The following RYR2 variants were observed in gnomAD, a reference collection of about 807,000 sequenced individuals.
RYR2 encodes the protein ryanodine receptor 2.
Under a neutral mutation model 601.1 loss-of-function variants are expected in RYR2, and 227 were observed. That is an observed-to-expected ratio of 0.38 (90% CI 0.34 to 0.42). RYR2 has a LOEUF of 0.42. Ranked by LOEUF, RYR2 falls within the 10% of genes least tolerant of loss-of-function variation. The probability of loss-of-function intolerance (pLI) is 1.00; values close to 1 mark genes in which losing one functional copy is unlikely to be tolerated. For synonymous variants in RYR2, 2,223 were observed against 2,175.1 expected, an observed-to-expected ratio of 1.02 and a Z score of -0.61; for missense variants, 4,646 against 6,156.5, an observed-to-expected ratio of 0.75 and a Z score of 8.21.
chr1:237,082,434 AT>A (rs1397872973), intron 1 of RYR2, among the ~76,000 whole-genome samples: 2 of 149,520 alleles, frequency 1.3e-5, no homozygotes, highest in African/African-American at 4.9e-5. Context: ...CTTTGTATTA[AT>A]TTGTTGGTGC....
intron 46 of RYR2, 140 bp downstream of exon 46, chr1:237,639,341 T>C: frequency 1.2e-6 from 1 of 842,696 alleles, no homozygotes; most frequent in South Asian, 2.7e-5. Context: ...ATGTCTTAGA[T>C]TTGGAAGAAT....
chr1:237,680,957 A>C (rs2148938606), intron 62 of RYR2, among the ~76,000 whole-genome samples: 2 of 152,354 alleles, frequency 1.3e-5, no homozygotes, highest in South Asian at 4.1e-4. Flanking sequence ...TTCAGAAGAA[A>C]ACCCCACATA....
intron 12 of RYR2, among the ~76,000 whole-genome samples, chr1:237,440,183 A>G (rs557447377): frequency 3.9e-5 from 6 of 152,302 alleles, no homozygotes; most frequent in African/African-American, 9.6e-5. Flanking sequence ...TTATTAATAC[A>G]TTATGCAAAT....
chr1:237,691,445 TA>T lies in RYR2; in HGVS notation c.9067+3943del, dbSNP rs1382724400. On this transcript the variant is annotated intron_variant, in intron 63 of 104. Transcript: ENST00000366574. The stretch of plus-strand genomic sequence containing the variant: ...TTATTCTAGGTTGGCTGCCACATTG[TA>T]ATTATATCTCCAAACCTCGCCTGTG... Among the ~76,000 whole-genome samples the T allele has an allele frequency of 1.6e-4, 25 of 152,338 alleles. No homozygotes were observed. The East Asian group carries it at 2.5e-3, about 15-fold the overall frequency.
chr1:237,615,607 A>G (rs530917520), intron 37 of RYR2, among the ~76,000 whole-genome samples: 1 of 152,262 alleles, frequency 6.6e-6, no homozygotes, highest in South Asian at 2.1e-4. Context: ...GGATGTTTGC[A>G]TCGCTGACCT....
At chr1:237,761,466 A>G (rs12120206) in intron 84 of RYR2, among the ~76,000 whole-genome samples, 8,755 of 152,168 alleles carry the variant, frequency 0.058, 286 homozygotes, top group Non-Finnish European at 0.079. Context: ...TCTCATTCCT[A>G]TTCCCTCCTC....
rs759663280 is a variant in RYR2, at chr1:237,202,447, G to A, written c.49-68050G>A. ...TTTTCAGTCAGGGTCTCGCTCTGTTGCCTAGGCTGGAGTGCAGTGGCACTA... is the reference window on the plus strand; with the variant it reads ...TTTTCAGTCAGGGTCTCGCTCTGTTACCTAGGCTGGAGTGCAGTGGCACTA... On this transcript the variant is annotated intron_variant, in intron 1 of 104. Coordinates refer to ENST00000366574, the MANE Select transcript of RYR2 (RefSeq NM_001035.3). 5.7e-4 allele frequency among the ~76,000 whole-genome samples: 87 copies of A among 151,770 alleles called. 1 individual carries two copies. The highest frequency in any genetic ancestry group is 1.0e-3 in the Non-Finnish European group (71 of 67,988).
Position 237,808,990 on chromosome 1 carries a change from T to C in RYR2, c.14388T>C (p.Ser4796=), listed in dbSNP as rs2149446615. 13 of 1,613,378 alleles carry C rather than the reference T, an allele frequency of 8.1e-6. No individual in the cohort carries two copies. The highest frequency in any genetic ancestry group is 1.1e-5 in the Non-Finnish European group (13 of 1,179,328). ...FNFFRKFYNK[S]EDGDTPDMKC... ...TTTTCCGAAAATTCTACAATAAAAG[T>C]GAAGATGGTGATACACCAGATATGA... Residue 4796 remains serine (S), a synonymous_variant, in exon 100 of 105, where the codon AGT becomes AGC. Transcript: ENST00000366574.
At chr1:237,397,090 C>A (rs1702921137) in intron 10 of RYR2, among the ~76,000 whole-genome samples, 1 of 151,946 alleles carries the variant, frequency 6.6e-6, no homozygotes, top group Non-Finnish European at 1.5e-5. Flanking sequence ...CATGGCAAAA[C>A]CCTGTCTCCA....
At chr1:237,187,814 C>T (rs1480654594) in intron 1 of RYR2, among the ~76,000 whole-genome samples, 1 of 152,086 alleles carries the variant, frequency 6.6e-6, no homozygotes, top group African/African-American at 2.4e-5. Context: ...TCTTCTGTGT[C>T]CAGAGATTAT....
intron 24 of RYR2, among the ~76,000 whole-genome samples, chr1:237,518,976 G>A (rs140480872): frequency 3.2e-4 from 49 of 152,194 alleles, no homozygotes; most frequent in African/African-American, 1.1e-3. Flanking sequence ...GACTGGTGTA[G>A]GATGACATCC....
At chr1:237,128,169 G>A (rs888473255) in intron 1 of RYR2, among the ~76,000 whole-genome samples, 3 of 152,122 alleles carry the variant, frequency 2.0e-5, no homozygotes, top group Admixed American at 6.5e-5. Context: ...GATCACTTGC[G>A]GTTAGGGGCT....
At chr1:237,327,146 T>C (rs1558628729) in intron 2 of RYR2, among the ~76,000 whole-genome samples, 1 of 152,128 alleles carries the variant, frequency 6.6e-6, no homozygotes, top group Non-Finnish European at 1.5e-5. Context: ...TCCTGAAAGG[T>C]AAACACTATT....
At chr1:237,651,775 C>T (rs912404068) in intron 51 of RYR2, among the ~76,000 whole-genome samples, 8 of 151,918 alleles carry the variant, frequency 5.3e-5, no homozygotes, top group Admixed American at 6.6e-5. Flanking sequence ...CGGTGGCTCA[C>T]GCCTGTAATC....
chr1:237,314,217 A>G (rs1219885450), intron 2 of RYR2, among the ~76,000 whole-genome samples: 5 of 151,860 alleles, frequency 3.3e-5, no homozygotes, highest in African/African-American at 1.2e-4. Flanking sequence ...GGCACCCGCA[A>G]CCACGCCCAG....
At chr1:237,804,874 GA>G (rs1025584685) in intron 98 of RYR2, among the ~76,000 whole-genome samples, 3 of 152,290 alleles carry the variant, frequency 2.0e-5, no homozygotes, top group Admixed American at 2.0e-4. Context: ...GAGAGAAAGC[GA>G]CTGGTTCTTT....
At chr1:237,401,763 C>T (rs1703370984) in intron 10 of RYR2, among the ~76,000 whole-genome samples, 1 of 152,142 alleles carries the variant, frequency 6.6e-6, no homozygotes, top group Admixed American at 6.5e-5. Context: ...AGATGTTGTG[C>T]TGGATCAAAC....
chr1:237,188,054 C>T (rs11811696), intron 1 of RYR2, among the ~76,000 whole-genome samples: 17,156 of 152,158 alleles, frequency 0.11, 1,081 homozygotes, highest in Middle Eastern at 0.18. Flanking sequence ...GCAGAATTGT[C>T]ATCATCCCCA....
chr1:237,785,433 A>C (rs1056208304), intron 90 of RYR2, among the ~76,000 whole-genome samples: 1 of 152,170 alleles, frequency 6.6e-6, no homozygotes, highest in South Asian at 2.1e-4. Context: ...CAAGTGTCTG[A>C]CAGACACCAC....
Sources: gnomAD v4.1 joint callset for allele counts (sites outside exome capture counted in the v4.1 genomes callset) on GRCh38, gnomAD v4.1.1 for gene constraint, MANE v1.5 for transcripts, NCBI Gene and HGNC (gene_info 2026-07-23, HGNC 2026-07-21) for gene names.